The following TRPC6 variants were observed in gnomAD, a reference collection of about 807,000 sequenced individuals.
TRPC6 encodes the protein transient receptor potential cation channel subfamily C member 6.
TRPC6 carries 55 observed loss-of-function variants against 90.7 expected under a neutral mutation model. The ratio of observed to expected loss-of-function variants is 0.61; its 90% CI spans 0.49 to 0.76. TRPC6 has a LOEUF of 0.76. Among genes scored for constraint, TRPC6 ranks in the 30% least tolerant of loss-of-function variants. The pLI is 0.00. For synonymous variants in TRPC6, 393 were observed against 393.0 expected (o/e 1.00, Z 0.00); for missense variants, 989 against 1,122.7 (o/e 0.88, Z 1.70).
intron 2 of TRPC6, among the ~76,000 whole-genome samples, chr11:101,494,482 A>G (rs1859898032): frequency 6.6e-6 from 1 of 152,180 alleles, no homozygotes. Flanking sequence ...GAAACAGGCC[A>G]TCTCTTGACA....
At chr11:101,511,406 C>G (rs1860390362) in intron 1 of TRPC6, among the ~76,000 whole-genome samples, 1 of 152,078 alleles carries the variant, frequency 6.6e-6, no homozygotes, top group Non-Finnish European at 1.5e-5. Flanking sequence ...TGTAAACTCT[C>G]AGTACATAAC....
chr11:101,452,921 C>CAAAT lies in TRPC6; in HGVS notation c.*30_*33dup. On this transcript the variant is annotated 3_prime_UTR_variant, in exon 13 of 13. Coordinates refer to ENST00000344327, the MANE Select transcript of TRPC6 (RefSeq NM_004621.6). Reference sequence around the variant, plus strand: ...AGAAAATAATATGGCTTCAAGTGGACAAATAAATATGAATTTCTAAGGAAG... The same window carrying CAAAT: ...AGAAAATAATATGGCTTCAAGTGGACAAATAAATAAATATGAATTTCTAAGGAAG... 6.2e-7 allele frequency: 1 copy of CAAAT among 1,612,306 alleles called. No homozygotes were observed. Among genetic ancestry groups the CAAAT allele is most frequent in the Non-Finnish European group, 8.5e-7 (1 of 1,178,666 alleles).
intron 1 of TRPC6, among the ~76,000 whole-genome samples, chr11:101,510,166 G>A (rs1456871890): frequency 2.6e-5 from 4 of 152,026 alleles, no homozygotes; most frequent in Non-Finnish European, 5.9e-5. Flanking sequence ...GTATTTTTAT[G>A]TCACAAGTGG....
At chr11:101,493,412 G>T (rs1485906321) in intron 2 of TRPC6, among the ~76,000 whole-genome samples, 1 of 152,164 alleles carries the variant, frequency 6.6e-6, no homozygotes, top group African/African-American at 2.4e-5. Flanking sequence ...ATTGCAGGTG[G>T]ATGGTATTAT....
chr11:101,562,028 C>T (rs1484678822), intron 1 of TRPC6, among the ~76,000 whole-genome samples: 2 of 151,938 alleles, frequency 1.3e-5, no homozygotes, highest in African/African-American at 2.4e-5. Flanking sequence ...CGTAGGATCA[C>T]AAAAAGATGG....
chr11:101,505,181 A>G (rs1170339885), intron 1 of TRPC6, among the ~76,000 whole-genome samples: 1 of 152,228 alleles, frequency 6.6e-6, no homozygotes, highest in East Asian at 1.9e-4. Flanking sequence ...CATTTTAAGA[A>G]GTAGAGACAA....
chr11:101,548,637 T>A (rs1024033891), intron 1 of TRPC6, among the ~76,000 whole-genome samples: 1 of 150,982 alleles, frequency 6.6e-6, no homozygotes. Context: ...CGTACCATTC[T>A]CACTTCAAGA....
chr11:101,576,719 T>C (rs1467506786), intron 1 of TRPC6, among the ~76,000 whole-genome samples: 3 of 152,214 alleles, frequency 2.0e-5, no homozygotes, highest in Non-Finnish European at 2.9e-5. Context: ...GAAAATGTTT[T>C]CCTTTTATGA....
intron 1 of TRPC6, among the ~76,000 whole-genome samples, chr11:101,566,607 G>C (rs765511521): frequency 2.0e-5 from 3 of 152,142 alleles, no homozygotes; most frequent in Non-Finnish European, 2.9e-5. Flanking sequence ...GACCCAGTAG[G>C]AACAGCTCCG....
At chr11:101,538,449 T>C (rs1332946955) in intron 1 of TRPC6, among the ~76,000 whole-genome samples, 1 of 152,190 alleles carries the variant, frequency 6.6e-6, no homozygotes, top group African/African-American at 2.4e-5. Flanking sequence ...GTGGCCCCTT[T>C]CCTTACCCCC....
At chr11:101,477,272 T>G (rs932419600) in intron 5 of TRPC6, among the ~76,000 whole-genome samples, 1 of 151,610 alleles carries the variant, frequency 6.6e-6, no homozygotes, top group Non-Finnish European at 1.5e-5. Context: ...CTTGAGACCC[T>G]TCTCAGCTCT....
intron 1 of TRPC6, among the ~76,000 whole-genome samples, chr11:101,556,779 C>A (rs1861569383): frequency 6.6e-6 from 1 of 152,192 alleles, no homozygotes; most frequent in East Asian, 1.9e-4. Context: ...CCAGTACCCT[C>A]AATGAACATA....
intron 1 of TRPC6, among the ~76,000 whole-genome samples, chr11:101,530,065 G>A (rs1860873934): frequency 1.3e-5 from 2 of 152,150 alleles, no homozygotes; most frequent in South Asian, 4.1e-4. Context: ...AGCAGACGCT[G>A]AAGTACCCCT....
At chr11:101,578,675 A>G (rs921885076) in intron 1 of TRPC6, among the ~76,000 whole-genome samples, 3 of 152,156 alleles carry the variant, frequency 2.0e-5, no homozygotes, top group Admixed American at 6.5e-5. Flanking sequence ...TAAGACTGTG[A>G]TGCAATAAGT....
At position 101,483,107 on chromosome 11, in the gene TRPC6, G is replaced by A; in HGVS notation, c.1352C>T (p.Thr451Ile). Reference protein sequence around the residue: ...MKFVAHAASFTIFLGLLVMNA... With the variant: ...MKFVAHAASFIIFLGLLVMNA... ...CATGACTAGCAGTCCCAGAAAAATGGTGAAGGAGGCTGCGTGTGCTACAAA... is the reference window on the plus strand; with the variant it reads ...CATGACTAGCAGTCCCAGAAAAATGATGAAGGAGGCTGCGTGTGCTACAAA... Residue 451 changes from threonine (T) to isoleucine (I), a missense_variant, in exon 5 of 13, where the codon ACC (threonine) becomes ATC (isoleucine). Coordinates refer to ENST00000344327, the MANE Select transcript of TRPC6 (RefSeq NM_004621.6). The A allele has an allele frequency of 6.2e-7, 1 of 1,614,058 alleles. No homozygotes were observed. Among genetic ancestry groups the A allele is most frequent in the East Asian group, 2.2e-5 (1 of 44,880 alleles).
At chr11:101,527,947 C>A (rs12801371) in intron 1 of TRPC6, among the ~76,000 whole-genome samples, 11,563 of 151,982 alleles carry the variant, frequency 0.076, 526 homozygotes, top group Middle Eastern at 0.11. Flanking sequence ...GTGACGGGCA[C>A]CTGTAATCCC....
intron 3 of TRPC6, among the ~76,000 whole-genome samples, chr11:101,490,878 G>T (rs569743262): frequency 3.9e-5 from 6 of 152,360 alleles, no homozygotes; most frequent in Admixed American, 1.3e-4. Context: ...ATGCGGTAAA[G>T]AAGGAATTGA....
At chr11:101,494,048 T>G (rs1859887561) in intron 2 of TRPC6, among the ~76,000 whole-genome samples, 1 of 152,234 alleles carries the variant, frequency 6.6e-6, no homozygotes, top group Non-Finnish European at 1.5e-5. Flanking sequence ...TGGCTCAAAC[T>G]ACTTATAAAC....
intron 10 of TRPC6, among the ~76,000 whole-genome samples, chr11:101,463,428 C>CT (rs1565445258): frequency 1.3e-5 from 2 of 152,154 alleles, no homozygotes; most frequent in African/African-American, 4.8e-5. Flanking sequence ...GGCTATGAAT[C>CT]TATCTGGTCC....
Sources: allele counts gnomAD v4.1 joint callset (sites outside exome capture counted in the v4.1 genomes callset), GRCh38; gene constraint gnomAD v4.1.1; transcripts MANE v1.5; gene names NCBI Gene and HGNC (gene_info 2026-07-23, HGNC 2026-07-21).